The following CMTM6 variants were observed in gnomAD, a reference collection of about 807,000 sequenced individuals.
CMTM6 encodes CKLF like MARVEL transmembrane domain containing 6, also known as CKLF-like MARVEL transmembrane domain-containing protein 6.
In CMTM6, 5 loss-of-function variants were observed where a neutral mutation model predicts 13.6. That is an observed-to-expected ratio of 0.37 (90% CI 0.19 to 0.77). The LOEUF (loss-of-function observed/expected upper bound fraction) is 0.77. Among genes scored for constraint, CMTM6 ranks in the 30% least tolerant of loss-of-function variants. CMTM6 has a pLI of 0.50. For missense variants in CMTM6, 196 were observed against 218.6 expected (o/e 0.90, Z 0.65); for synonymous variants, 99 against 84.5 (o/e 1.17, Z -0.94).
chr3:32,487,783 T>C (rs993549805), intron 3 of CMTM6, 155 bp downstream of exon 3: 25 of 520,072 alleles, frequency 4.8e-5, no homozygotes, highest in Admixed American at 2.7e-4. Flanking sequence ...GGCTATCATA[T>C]TGATTTGCTT....
At chr3:32,500,612 T>A (rs116424296) in intron 1 of CMTM6, among the ~76,000 whole-genome samples, 207 of 152,350 alleles carry the variant, frequency 1.4e-3, no homozygotes, top group African/African-American at 4.7e-3. Flanking sequence ...AATAATAGTC[T>A]AACGATCTTT....
intron 2 of CMTM6, 59 bp downstream of exon 2, chr3:32,491,651 A>G: frequency 7.1e-7 from 1 of 1,409,390 alleles, no homozygotes; most frequent in Non-Finnish European, 9.6e-7. Context: ...TTGAACAATA[A>G]AATTATGCCA....
chr3:32,496,360 T>C (rs548005530), intron 1 of CMTM6, among the ~76,000 whole-genome samples: 8 of 151,868 alleles, frequency 5.3e-5, no homozygotes, highest in Non-Finnish European at 7.4e-5. Flanking sequence ...GGCGGGAGGA[T>C]TGCTTGGACT....
chr3:32,483,358 T>C lies in CMTM6; in HGVS notation c.*602A>G, dbSNP rs529450617. 1 of 152,666 alleles carries C rather than the reference T, an allele frequency of 6.6e-6. No homozygotes were observed. Among genetic ancestry groups the C allele is most frequent in the South Asian group, 2.1e-4 (1 of 4,822 alleles). The allele number at this position is 152,666 out of a possible 1,614,324, so 9.5% of individuals were successfully genotyped here. A position where few individuals can be genotyped will look rare whatever the true frequency, so the allele number is the denominator to read the frequency against. On this transcript the variant is annotated 3_prime_UTR_variant, in exon 4 of 4. Coordinates refer to ENST00000205636, the MANE Select transcript of CMTM6 (RefSeq NM_017801.3). Reference sequence around the variant, plus strand: ...ATACATTTTATAGGCTATACGAAGGTCTCAAAGAATTAATAACCGTTATCC... The same window carrying C: ...ATACATTTTATAGGCTATACGAAGGCCTCAAAGAATTAATAACCGTTATCC...
rs1697160381 is a variant in CMTM6 at position 32,482,166 on chromosome 3, C to T, written c.*1794G>A. On this transcript the variant is annotated 3_prime_UTR_variant, in exon 4 of 4. Transcript: ENST00000205636. ...TGACATGCCCAATAAAAACAGCATC[C>T]ATGATTGGTTTCATTATCTCCCAAT... The T allele has an allele frequency of 6.6e-6, 1 of 152,160 alleles. No individual in the cohort carries two copies. The highest frequency in any genetic ancestry group is 1.9e-4 in the East Asian group (1 of 5,194). 9.4% of individuals were successfully genotyped at this position (152,160 alleles called of 1,614,324 possible).
chr3:32,490,721 A>G (rs1697243219), intron 2 of CMTM6, among the ~76,000 whole-genome samples: 1 of 152,204 alleles, frequency 6.6e-6, no homozygotes, highest in Non-Finnish European at 1.5e-5. Context: ...AACACTACAG[A>G]TGCAGCATTA....
chr3:32,488,147 T>C (rs1697221245), intron 2 of CMTM6, 111 bp from the exon 3 acceptor site: 1 of 737,842 alleles, frequency 1.4e-6, no homozygotes, highest in African/African-American at 1.8e-5. Flanking sequence ...TTTTTCTTGA[T>C]ACAACCCAAA....
At chr3:32,494,725 G>T (rs904243143) in intron 1 of CMTM6, among the ~76,000 whole-genome samples, 1 of 151,578 alleles carries the variant, frequency 6.6e-6, no homozygotes, top group African/African-American at 2.4e-5. Context: ...AATCTCCAGA[G>T]AATTATTCAA....
At chr3:32,502,161 C>A (rs1253574471) in intron 1 of CMTM6, among the ~76,000 whole-genome samples, 1 of 152,232 alleles carries the variant, frequency 6.6e-6, no homozygotes, top group Non-Finnish European at 1.5e-5. Flanking sequence ...CTTTGTCCAG[C>A]AAGTTAAACT....
chr3:32,483,787 G>T lies in CMTM6; in HGVS notation c.*173C>A. On this transcript the variant is annotated 3_prime_UTR_variant, in exon 4 of 4. Transcript: ENST00000205636. ...AAAAAAAATTTTTTTTAACTTATCT[G>T]GCCTACTTTGTGGTGACTGACACAA... 1 of 544,192 alleles carries T rather than the reference G, an allele frequency of 1.8e-6. No homozygotes were observed. The highest frequency in any genetic ancestry group is 2.9e-6 in the Non-Finnish European group (1 of 348,004). 33.7% of individuals were successfully genotyped at this position (544,192 alleles called of 1,614,324 possible).
At chr3:32,499,049 T>G (rs1697323570) in intron 1 of CMTM6, among the ~76,000 whole-genome samples, 1 of 152,198 alleles carries the variant, frequency 6.6e-6, no homozygotes, top group Non-Finnish European at 1.5e-5. Context: ...AATTATAAAT[T>G]AATGAACTTT....
At chr3:32,485,763 G>A (rs908176874) in intron 3 of CMTM6, among the ~76,000 whole-genome samples, 1 of 152,132 alleles carries the variant, frequency 6.6e-6, no homozygotes, top group African/African-American at 2.4e-5. Flanking sequence ...AGAAACTGTT[G>A]TCATATGAAT....
At chr3:32,486,003 G>A (rs542706795) in intron 3 of CMTM6, among the ~76,000 whole-genome samples, 1 of 152,040 alleles carries the variant, frequency 6.6e-6, no homozygotes, top group Admixed American at 6.5e-5. Flanking sequence ...TCAGCCTCTC[G>A]AGTAGCTGGG....
At chr3:32,485,442 A>G (rs1008350159) in intron 3 of CMTM6, among the ~76,000 whole-genome samples, 1 of 152,000 alleles carries the variant, frequency 6.6e-6, no homozygotes, top group Non-Finnish European at 1.5e-5. Flanking sequence ...CTGGAACTCA[A>G]TTTTTCCTCA....
intron 1 of CMTM6, among the ~76,000 whole-genome samples, chr3:32,497,308 C>T (rs2125659248): frequency 6.7e-6 from 1 of 148,910 alleles, no homozygotes; most frequent in South Asian, 2.1e-4. Context: ...TGGCGTAAAC[C>T]CAGGAGGCAG....
At position 32,482,382 on chromosome 3, in the gene CMTM6, A is replaced by C. The variant is rs75587672; in HGVS notation, c.*1578T>G. ...AAATGGCAGATGAGAAAAAAAAAAA[A>C]GGATGAGGTCATTAAACTTTATCAC... On this transcript the variant is annotated 3_prime_UTR_variant, in exon 4 of 4. Transcript: ENST00000205636. The C allele has an allele frequency of 6.6e-6, 1 of 152,074 alleles. No homozygotes were observed. Among genetic ancestry groups the C allele is most frequent in the Non-Finnish European group, 1.5e-5 (1 of 68,002 alleles). The allele number at this position is 152,074 out of a possible 1,614,324, so 9.4% of individuals were successfully genotyped here.
intron 2 of CMTM6, among the ~76,000 whole-genome samples, chr3:32,491,363 A>C (rs140041620): frequency 2.0e-3 from 304 of 152,370 alleles, no homozygotes; most frequent in African/African-American, 7.0e-3. Flanking sequence ...CCTGGCATAT[A>C]ATAAAGGCAC....
chr3:32,502,552 C>A, intron 1 of CMTM6, 56 bp downstream of exon 1: 2 of 1,551,806 alleles, frequency 1.3e-6, no homozygotes, highest in Non-Finnish European at 8.7e-7. Flanking sequence ...GCCTCCCAAG[C>A]CCGGGCCAGA....
intron 1 of CMTM6, among the ~76,000 whole-genome samples, chr3:32,498,344 C>A (rs1697314147): frequency 6.6e-6 from 1 of 152,206 alleles, no homozygotes; most frequent in Admixed American, 6.5e-5. Flanking sequence ...CCATGAAATA[C>A]TGTTTGTTAA....
Sources: gnomAD v4.1 joint callset for allele counts (sites outside exome capture counted in the v4.1 genomes callset) on GRCh38, gnomAD v4.1.1 for gene constraint, MANE v1.5 for transcripts, NCBI Gene and HGNC (gene_info 2026-07-23, HGNC 2026-07-21) for gene names.